MFN1: variants seen among roughly 807,000 people sequenced by gnomAD.
MFN1 encodes mitofusin-1.
In MFN1, 65 loss-of-function variants were observed where a neutral mutation model predicts 92.4. The ratio of observed to expected loss-of-function variants is 0.70; its 90% CI spans 0.58 to 0.86. The LOEUF is 0.86. Among genes scored for constraint, MFN1 ranks in the 40% least tolerant of loss-of-function variants. The pLI is 0.00. For synonymous variants in MFN1, 297 were observed against 300.9 expected (o/e 0.99, Z 0.13); for missense variants, 781 against 868.0 (o/e 0.90, Z 1.26).
chr3:179,353,039 A>G (rs1577000627), intron 3 of MFN1, among the ~76,000 whole-genome samples: 1 of 145,222 alleles, frequency 6.9e-6, no homozygotes, highest in African/African-American at 2.6e-5. Flanking sequence ...GGCGTGAGCC[A>G]CCGCATCCAG....
chr3:179,359,151 G>T, intron 4 of MFN1, 149 bp downstream of exon 4: 7 of 994,304 alleles, frequency 7.0e-6, no homozygotes, highest in Non-Finnish European at 9.4e-6. Flanking sequence ...ACGGAATTTC[G>T]CTCTTGTCGC....
chr3:179,375,832 C>T (rs1713217547), intron 10 of MFN1, among the ~76,000 whole-genome samples: 1 of 152,124 alleles, frequency 6.6e-6, no homozygotes, highest in African/African-American at 2.4e-5. Context: ...GTAAGCAGTA[C>T]CCTTTATGTT....
intron 14 of MFN1, 119 bp from the exon 15 acceptor site, chr3:179,385,450 C>T (rs764472345): frequency 1.3e-6 from 1 of 778,834 alleles, no homozygotes; most frequent in African/African-American, 1.8e-5. Context: ...TTGTGGTGTA[C>T]TCATCATTTA....
At chr3:179,378,906 A>C (rs1179312081) in intron 14 of MFN1, 92 bp downstream of exon 14, 3 of 975,044 alleles carry the variant, frequency 3.1e-6, no homozygotes, top group Non-Finnish European at 4.6e-6. Context: ...CAAAATCTGC[A>C]CATTTAAAAG....
chr3:179,376,965 C>T, intron 10 of MFN1, 77 bp from the exon 11 acceptor site: 2 of 1,455,236 alleles, frequency 1.4e-6, no homozygotes, highest in South Asian at 2.7e-5. Context: ...TGGTTCAATA[C>T]ATGAATGAGT....
Position 179,377,342 on chromosome 3 carries a change from A to G in MFN1, c.1225-2A>G. On this transcript the variant is annotated splice_acceptor_variant, in intron 11 of 17. Transcript: ENST00000471841. LOFTEE classifies it high-confidence loss of function. ...TTAACTCCAAAATTTTCATATTTTC[A>G]GGTTTCATGTGCAATGACAGATGAA... 1 of 1,587,960 alleles carries G rather than the reference A, an allele frequency of 6.3e-7. No individual in the cohort carries two copies. Among genetic ancestry groups the G allele is most frequent in the Non-Finnish European group, 8.5e-7 (1 of 1,170,302 alleles).
At chr3:179,387,669 C>T (rs1478002400) in intron 16 of MFN1, among the ~76,000 whole-genome samples, 1 of 133,160 alleles carries the variant, frequency 7.5e-6, no homozygotes, top group African/African-American at 2.8e-5. Flanking sequence ...TCTCGGCTCA[C>T]TGCAACCTCC....
At chr3:179,372,381 G>A (rs1436001898) in intron 9 of MFN1, among the ~76,000 whole-genome samples, 2 of 151,846 alleles carry the variant, frequency 1.3e-5, no homozygotes, top group South Asian at 2.1e-4. Flanking sequence ...TATTATTAAT[G>A]TATGATTAGA....
intron 11 of MFN1, 57 bp from the exon 12 acceptor site, chr3:179,377,287 T>C: frequency 6.6e-7 from 1 of 1,523,702 alleles, no homozygotes; most frequent in Non-Finnish European, 8.9e-7. Context: ...TTTAATTTTT[T>C]TGAATAATTG....
chr3:179,378,793 A>T lies in MFN1; in HGVS notation c.1641A>T (p.Gly547=). Reference sequence around the variant, plus strand: ...GAAATGCTCAAAGGGTGCTCCTAGGATTATCAGAGCCTATCTTTCAGGTAT... The same window carrying T: ...GAAATGCTCAAAGGGTGCTCCTAGGTTTATCAGAGCCTATCTTTCAGGTAT... The part of the protein sequence containing the change: ...GPRNAQRVLL[G]LSEPIFQLPR... Residue 547 remains glycine (G), a synonymous_variant, in exon 14 of 18, where the codon GGA becomes GGT. Transcript: ENST00000471841. 1 of 1,612,808 alleles carries T rather than the reference A, an allele frequency of 6.2e-7. No individual in the cohort carries two copies. Among genetic ancestry groups the T allele is most frequent in the African/African-American group, 1.3e-5 (1 of 74,992 alleles).
intron 3 of MFN1, among the ~76,000 whole-genome samples, chr3:179,353,716 C>G (rs927747430): frequency 9.2e-5 from 14 of 152,210 alleles, no homozygotes; most frequent in Admixed American, 3.3e-4. Flanking sequence ...AAATGACTAG[C>G]TCCATAACTG....
chr3:179,361,979 T>C (rs1712597694), intron 4 of MFN1, among the ~76,000 whole-genome samples: 1 of 152,242 alleles, frequency 6.6e-6, no homozygotes, highest in African/African-American at 2.4e-5. Context: ...TTAAAAGCTA[T>C]GTAATTTTAA....
At chr3:179,384,790 C>T (rs995644606) in intron 14 of MFN1, among the ~76,000 whole-genome samples, 1 of 152,180 alleles carries the variant, frequency 6.6e-6, no homozygotes, top group Non-Finnish European at 1.5e-5. Flanking sequence ...CTGCCATGGC[C>T]TCCCAGAGTG....
At chr3:179,353,810 C>T (rs1241129988) in intron 3 of MFN1, among the ~76,000 whole-genome samples, 2 of 152,240 alleles carry the variant, frequency 1.3e-5, no homozygotes, top group South Asian at 2.1e-4. Flanking sequence ...ATTTTCCCAT[C>T]GTAGGGCTTT....
chr3:179,369,614 A>T (rs755098250), intron 9 of MFN1, among the ~76,000 whole-genome samples: 4 of 152,158 alleles, frequency 2.6e-5, no homozygotes, highest in Non-Finnish European at 5.9e-5. Flanking sequence ...GCTGTAGGGA[A>T]TTGGTTCATA....
Position 179,392,218 on chromosome 3 carries a change from T to C in MFN1, c.*159T>C. ...TCTGGTAATGATCTGTCTCAGGGTA[T>C]GTGTATTTTTGAAGAGTGTTATGTC... On this transcript the variant is annotated 3_prime_UTR_variant, in exon 18 of 18. Transcript: ENST00000471841. 2.0e-6 allele frequency: 1 copy of C among 489,448 alleles called. No homozygotes were observed. The allele number at this position is 489,448 out of a possible 1,614,324, so 30.3% of individuals were successfully genotyped here.
chr3:179,349,787 G>A (rs897491690), intron 2 of MFN1, among the ~76,000 whole-genome samples: 4 of 151,910 alleles, frequency 2.6e-5, no homozygotes, highest in African/African-American at 9.7e-5. Context: ...GATTACAGGT[G>A]TGAGCCACCA....
At chr3:179,363,221 A>T (rs1277829950) in intron 5 of MFN1, among the ~76,000 whole-genome samples, 2 of 152,120 alleles carry the variant, frequency 1.3e-5, no homozygotes, top group Admixed American at 6.6e-5. Context: ...CTTGTGCCTC[A>T]GCCTCCTGAG....
At chr3:179,391,950 A>T in intron 17 of MFN1, 31 bp from the exon 18 acceptor site, 1 of 1,375,560 alleles carries the variant, frequency 7.3e-7, no homozygotes, top group Non-Finnish European at 1.0e-6. Context: ...CCTTTATAGT[A>T]ATTAGATTGG....
Sources: gnomAD v4.1 joint callset for allele counts (sites outside exome capture counted in the v4.1 genomes callset) on GRCh38, gnomAD v4.1.1 for gene constraint, MANE v1.5 for transcripts, NCBI Gene and HGNC (gene_info 2026-07-23, HGNC 2026-07-21) for gene names.